The following TBX5 variants were observed in gnomAD, a reference collection of about 807,000 sequenced individuals.
TBX5 encodes the protein T-box transcription factor 5.
TBX5 carries 8 observed loss-of-function variants against 51.1 expected under a neutral mutation model. The observed-to-expected ratio is 0.16, with a 90% CI of 0.09 to 0.28. The LOEUF is 0.28. Among genes scored for constraint, TBX5 ranks in the 10% least tolerant of loss-of-function variants. The pLI is 1.00. For synonymous variants in TBX5, 302 were observed against 266.4 expected, an observed-to-expected ratio of 1.13 and a Z score of -1.30; for missense variants, 589 against 671.7, an observed-to-expected ratio of 0.88 and a Z score of 1.36.
intron 8 of TBX5, among the ~76,000 whole-genome samples, chr12:114,357,928 TA>T (rs1298897482): frequency 6.6e-6 from 1 of 152,180 alleles, no homozygotes; most frequent in Admixed American, 6.5e-5. Context: ...CTGAACTAAA[TA>T]ACGAGAGGAA....
intron 7 of TBX5, among the ~76,000 whole-genome samples, chr12:114,374,098 G>A (rs570222028): frequency 3.3e-5 from 5 of 152,200 alleles, no homozygotes; most frequent in Non-Finnish European, 7.3e-5. Flanking sequence ...GGTGACCTTC[G>A]CTTCTGAGGA....
rs1197050763 is a variant in TBX5, at chr12:114,355,948, C to T, written c.1141G>A (p.Ala381Thr). Residue 381 changes from alanine to threonine, a missense_variant, in exon 9 of 9, where the codon GCC (alanine) becomes ACC (threonine). By Grantham distance (58) the Ala-to-Thr change is moderately conservative. Around this residue, in one of 7 missense-constraint regions of TBX5, gnomAD observed 348 missense variants for 360.4 expected, o/e 0.97. Coordinates refer to ENST00000405440, the MANE Select transcript of TBX5 (RefSeq NM_181486.4). ...ESAQRQACMY[A>T]SSAPPSEPVP... is the part of the protein sequence containing the mutation. ...GGCTCGCTGGGGGGCGCAGAGCTGG[C>T]ATACATGCAAGCTTGCCGCTGTGCC... The T allele has an allele frequency of 1.2e-6, 2 of 1,613,958 alleles. No homozygotes were observed. Among genetic ancestry groups the T allele is most frequent in the African/African-American group, 1.3e-5 (1 of 75,052 alleles).
Position 114,399,546 on chromosome 12 carries a change from T to C in TBX5, c.329A>G (p.Asp110Gly). The change falls in exon 4 of 9, where the codon GAC becomes GGC. Residue 110 changes from aspartate (D) to glycine (G), a missense_variant. Asp to Gly is a moderately conservative substitution (Grantham distance 94). This residue lies in a region of TBX5 where 85 missense variants were observed against 95.6 expected (regional missense o/e 0.89). Transcript: ENST00000405440. ...ATCTGCGAATTTGTATCTGTGATCG[T>C]CGGCAGGTACAATGTCCATGAGAAG... ...YILLMDIVPA[D>G]DHRYKFADNK... The C allele has an allele frequency of 6.2e-7, 1 of 1,614,166 alleles. No individual in the cohort carries two copies. Among genetic ancestry groups the C allele is most frequent in the Non-Finnish European group, 8.5e-7 (1 of 1,180,036 alleles).
In TBX5 at chr12:114,394,841, G is replaced by T; in HGVS notation, c.563C>A (p.Ala188Glu). The change falls in exon 6 of 9, where the codon GCG becomes GAG. Residue 188 changes from alanine (A) to glutamate (E), a missense_variant. Ala to Glu is a moderately radical substitution (Grantham distance 107). Transcript: ENST00000405440. ...TGAGCCAAATCCATTATTTTCATCC[G>T]CTTTCACGATGTGTAATCTAGGCTG... Reference protein sequence around the residue: ...KYQPRLHIVKADENNGFGSKN... With the variant: ...KYQPRLHIVKEDENNGFGSKN... 1.9e-6 allele frequency: 3 copies of T among 1,613,988 alleles called. No homozygotes were observed. Among genetic ancestry groups the T allele is most frequent in the Non-Finnish European group, 2.5e-6 (3 of 1,179,990 alleles).
chr12:114,394,624 C>T (rs926021355), intron 6 of TBX5, 117 bp downstream of exon 6: 3 of 1,408,292 alleles, frequency 2.1e-6, no homozygotes, highest in East Asian at 2.3e-5. Context: ...ACCCTGGGGT[C>T]GAAGTTGGTG....
Position 114,401,929 on chromosome 12 carries a change from A to G in TBX5, c.148-9T>C. 1 of 1,613,794 alleles carries G rather than the reference A, an allele frequency of 6.2e-7. No individual in the cohort carries two copies. Among genetic ancestry groups the G allele is most frequent in the Non-Finnish European group, 8.5e-7 (1 of 1,179,706 alleles). On this transcript the variant is annotated splice_polypyrimidine_tract_variant and intron_variant, in intron 2 of 8. Transcript: ENST00000405440. Reference sequence around the variant, plus strand: ...TTGATTCCCTCCATGCCCTGCAAGAAGGAGAAAAAAGTCACACTAACAAGC... The same window carrying G: ...TTGATTCCCTCCATGCCCTGCAAGAGGGAGAAAAAAGTCACACTAACAAGC...
At chr12:114,367,618 G>C (rs1420085022) in intron 7 of TBX5, among the ~76,000 whole-genome samples, 1 of 151,534 alleles carries the variant, frequency 6.6e-6, no homozygotes, top group African/African-American at 2.4e-5. Context: ...GGAAATGAGA[G>C]AGGTGGGGAA....
At chr12:114,361,144 C>T (rs987447338) in intron 8 of TBX5, among the ~76,000 whole-genome samples, 2 of 152,142 alleles carry the variant, frequency 1.3e-5, no homozygotes, top group African/African-American at 4.8e-5. Flanking sequence ...GCCACATAAG[C>T]TTAAAATCTA....
intron 7 of TBX5, among the ~76,000 whole-genome samples, chr12:114,378,826 C>T (rs951069185): frequency 9.9e-5 from 15 of 152,098 alleles, no homozygotes; most frequent in Middle Eastern, 3.4e-3. Flanking sequence ...TTAGTAGAGA[C>T]GGGGTTTCAC....
rs1236342604 is a variant in TBX5 at position 114,355,730 on chromosome 12, T to G, written c.1359A>C (p.Gly453=). ...CCACGGAGGTCTGGTGCTGGAACAT[T>G]CCCTCTCCCAGCTGTGGGGAGCCAT... ...ANHGSPQLGE[G]MFQHQTSVAH... The change falls in exon 9 of 9, where the codon GGA becomes GGC. Residue 453 remains glycine (G), a synonymous_variant. Transcript: ENST00000405440. 9 of 1,613,934 alleles carry G rather than the reference T, an allele frequency of 5.6e-6. No individual in the cohort carries two copies. The highest frequency in any genetic ancestry group is 5.0e-5 in the Admixed American group (3 of 59,992).
chr12:114,358,866 T>C (rs955493188), intron 8 of TBX5, among the ~76,000 whole-genome samples: 1 of 152,120 alleles, frequency 6.6e-6, no homozygotes, highest in Non-Finnish European at 1.5e-5. Flanking sequence ...CCTCCTCCCT[T>C]GATTCCTTTC....
chr12:114,393,642 T>C (rs568261680), intron 6 of TBX5, among the ~76,000 whole-genome samples: 85 of 152,306 alleles, frequency 5.6e-4, no homozygotes, highest in African/African-American at 2.0e-3. Context: ...ATAGGCAGCC[T>C]GCTCCAAAGT....
chr12:114,372,543 A>G (rs1014798068), intron 7 of TBX5, among the ~76,000 whole-genome samples: 1 of 151,688 alleles, frequency 6.6e-6, no homozygotes, highest in Non-Finnish European at 1.5e-5. Context: ...TCTGGCCTCA[A>G]GTGATCCTCC....
chr12:114,362,822 T>C (rs938734068), intron 8 of TBX5, among the ~76,000 whole-genome samples: 2 of 152,036 alleles, frequency 1.3e-5, no homozygotes, highest in African/African-American at 4.8e-5. Flanking sequence ...TGTGCCAACA[T>C]GCCAGACTAA....
chr12:114,406,651 T>A (rs1872246024), upstream of TBX5, among the ~76,000 whole-genome samples: 1 of 152,068 alleles, frequency 6.6e-6, no homozygotes, highest in African/African-American at 2.4e-5. Flanking sequence ...TGCATTGGGA[T>A]GGGGGCCGAG....
intron 6 of TBX5, among the ~76,000 whole-genome samples, chr12:114,393,305 G>A (rs545469736): frequency 6.6e-6 from 1 of 152,036 alleles, no homozygotes; most frequent in East Asian, 1.9e-4. Flanking sequence ...ATCCATCTAG[G>A]TGACCTGCCC....
At chr12:114,381,452 G>T (rs960453720) in intron 7 of TBX5, among the ~76,000 whole-genome samples, 2 of 152,166 alleles carry the variant, frequency 1.3e-5, no homozygotes, top group African/African-American at 2.4e-5. Flanking sequence ...CAACCTGGGG[G>T]TTGGGAGAAT....
At chr12:114,395,547 A>T (rs1196859059) in intron 5 of TBX5, among the ~76,000 whole-genome samples, 5 of 152,038 alleles carry the variant, frequency 3.3e-5, no homozygotes, top group African/African-American at 2.4e-5. Flanking sequence ...CCCTCCAAGG[A>T]TGTCGGCTCA....
At chr12:114,363,236 T>A (rs1377155465) in intron 8 of TBX5, among the ~76,000 whole-genome samples, 3 of 152,180 alleles carry the variant, frequency 2.0e-5, no homozygotes, top group Non-Finnish European at 4.4e-5. Flanking sequence ...AGCTGCCAAG[T>A]GTCGTCAACT....
Sources: gnomAD v4.1 joint callset for allele counts (sites outside exome capture counted in the v4.1 genomes callset) on GRCh38, gnomAD v4.1.1 for gene constraint, gnomAD v4.1.1 regional missense constraint, MANE v1.5 for transcripts, NCBI Gene and HGNC (gene_info 2026-07-23, HGNC 2026-07-21) for gene names.